The following DNAI7 variants were observed in gnomAD, a reference collection of about 807,000 sequenced individuals.
The protein encoded by DNAI7 is cancer susceptibility 1.
In DNAI7, 78 loss-of-function variants were observed where a neutral mutation model predicts 86.6. The observed-to-expected ratio is 0.90, with a 90% CI of 0.75 to 1.09. The LOEUF (loss-of-function observed/expected upper bound fraction) is 1.09, where lower values mean the gene tolerates loss of function less well. DNAI7 is among the 50% of genes least tolerant of loss of function. The pLI is 0.00. For missense variants in DNAI7, 753 were observed against 810.2 expected (o/e 0.93, Z 0.86); for synonymous variants, 274 against 273.0 (o/e 1.00, Z -0.04).
chr12:25,174,405 G>C (rs1339531021), intron 2 of DNAI7, among the ~76,000 whole-genome samples: 1 of 92 alleles, frequency 0.011, no homozygotes, highest in African/African-American at 0.031. Context: ...TCATATATAT[G>C]GGATATATGG....
chr12:25,141,569 G>A (rs1014033957), intron 9 of DNAI7, among the ~76,000 whole-genome samples: 1 of 152,230 alleles, frequency 6.6e-6, no homozygotes, highest in South Asian at 2.1e-4. Flanking sequence ...AGTGGCTCAT[G>A]CCTGTTATCC....
intron 2 of DNAI7, among the ~76,000 whole-genome samples, chr12:25,164,668 T>TCC (rs1947232314): frequency 6.6e-6 from 1 of 152,064 alleles, no homozygotes; most frequent in Non-Finnish European, 1.5e-5. Flanking sequence ...TACACATCAG[T>TCC]CCCTCCCTAG....
chr12:25,171,846 G>T (rs1358448132), intron 2 of DNAI7, among the ~76,000 whole-genome samples: 1 of 152,026 alleles, frequency 6.6e-6, no homozygotes, highest in Non-Finnish European at 1.5e-5. Flanking sequence ...CACATAAACA[G>T]AATTAAAAAC....
chr12:25,175,317 T>TA (rs1467025838), intron 2 of DNAI7, among the ~76,000 whole-genome samples: 2 of 152,104 alleles, frequency 1.3e-5, no homozygotes, highest in Non-Finnish European at 1.5e-5. Context: ...CCTATCTATA[T>TA]TTTTGTCTGC....
At chr12:25,145,683 A>T (rs897925770) in intron 8 of DNAI7, among the ~76,000 whole-genome samples, 5 of 152,004 alleles carry the variant, frequency 3.3e-5, no homozygotes, top group Admixed American at 6.6e-5. Flanking sequence ...AGTTTTTTTT[A>T]AATGTCACAT....
At chr12:25,129,512 G>A (rs1344385894) in intron 9 of DNAI7, among the ~76,000 whole-genome samples, 2 of 152,176 alleles carry the variant, frequency 1.3e-5, no homozygotes, top group African/African-American at 4.8e-5. Flanking sequence ...GAATGTTAAG[G>A]AGCTCTGATG....
At chr12:25,107,967 C>G (rs114192162), downstream of DNAI7, 3 of 1,614,084 alleles carry the variant, frequency 1.9e-6, no homozygotes, top group Non-Finnish European at 2.5e-6. Flanking sequence ...CTGTGGATGC[C>G]GCTCCCACAC....
chr12:25,155,687 G>T (rs116500670), intron 4 of DNAI7, among the ~76,000 whole-genome samples: 33 of 152,202 alleles, frequency 2.2e-4, no homozygotes, highest in African/African-American at 7.9e-4. Context: ...CTTTTTCATC[G>T]TGTATCTATT....
chr12:25,141,187 G>T lies in DNAI7; in HGVS notation c.1002+3178C>A, dbSNP rs188435237. Among the ~76,000 whole-genome samples the T allele has an allele frequency of 2.5e-3, 377 of 152,196 alleles. 2 individuals carry two copies. Among genetic ancestry groups the T allele is most frequent in the African/African-American group, 8.3e-3 (346 of 41,546 alleles). Reference sequence around the variant, plus strand: ...CATGAAAAAGAGCCCAAAAGCAAATGCAACAACAACAATGATAAATAGATG... The same window carrying T: ...CATGAAAAAGAGCCCAAAAGCAAATTCAACAACAACAATGATAAATAGATG... On this transcript the variant is annotated intron_variant, in intron 9 of 15. Transcript: ENST00000395987.
At chr12:25,108,908 C>G (rs1178709324) in intron 15 of DNAI7, 85 bp from the exon 16 acceptor site, 1 of 800,248 alleles carries the variant, frequency 1.2e-6, no homozygotes, top group Non-Finnish European at 1.8e-6. Context: ...TTGAAGGGCT[C>G]AATTTATCCC....
chr12:25,177,141 G>A (rs553619461), intron 2 of DNAI7, among the ~76,000 whole-genome samples: 123 of 152,162 alleles, frequency 8.1e-4, no homozygotes, highest in Middle Eastern at 3.4e-3. Flanking sequence ...GACCTCAAGT[G>A]ATTCACCTGC....
intron 1 of DNAI7, chr12:25,194,857 G>C: frequency 6.2e-7 from 1 of 1,609,608 alleles, no homozygotes; most frequent in African/African-American, 1.3e-5. Context: ...ACCATCTCCC[G>C]TTTGCAGAAA....
At chr12:25,160,219 G>C (rs1946684702) in intron 3 of DNAI7, among the ~76,000 whole-genome samples, 1 of 151,964 alleles carries the variant, frequency 6.6e-6, no homozygotes, top group Non-Finnish European at 1.5e-5. Context: ...CTTCAAGATA[G>C]GGTTACCAGA....
At chr12:25,176,295 A>T (rs1026125724) in intron 2 of DNAI7, among the ~76,000 whole-genome samples, 2 of 152,128 alleles carry the variant, frequency 1.3e-5, no homozygotes, top group African/African-American at 4.8e-5. Flanking sequence ...ATGAATAAAA[A>T]TTTAAATTAA....
chr12:25,150,736 G>A (rs1020284375), intron 6 of DNAI7, among the ~76,000 whole-genome samples: 6 of 151,806 alleles, frequency 4.0e-5, no homozygotes, highest in Non-Finnish European at 5.9e-5. Flanking sequence ...TTAAACCCTC[G>A]GATCTACCAG....
intron 7 of DNAI7, 29 bp from the exon 8 acceptor site, chr12:25,147,133 G>C (rs1944949599): frequency 9.0e-7 from 1 of 1,105,578 alleles, no homozygotes; most frequent in Non-Finnish European, 1.4e-6. Context: ...ACATTATAAA[G>C]GGCCACAGGC....
intron 2 of DNAI7, among the ~76,000 whole-genome samples, chr12:25,180,382 C>T (rs1022141997): frequency 6.6e-6 from 1 of 152,074 alleles, no homozygotes; most frequent in Non-Finnish European, 1.5e-5. Flanking sequence ...TCTACAGATT[C>T]AATGCAATTC....
chr12:25,174,486 T>TG, intron 2 of DNAI7, among the ~76,000 whole-genome samples: 1 of 70,128 alleles, frequency 1.4e-5, no homozygotes, highest in African/African-American at 5.0e-5. Context: ...GGGATATATA[T>TG]ATCATATATC....
intron 2 of DNAI7, among the ~76,000 whole-genome samples, chr12:25,171,959 T>A (rs1592612285): frequency 6.6e-6 from 1 of 152,292 alleles, no homozygotes; most frequent in Middle Eastern, 3.4e-3. Flanking sequence ...AAAAGGGACA[T>A]ATCTTAATGT....
Sources: gnomAD v4.1 joint callset for allele counts (sites outside exome capture counted in the v4.1 genomes callset) on GRCh38, gnomAD v4.1.1 for gene constraint, MANE v1.5 for transcripts, NCBI Gene and HGNC (gene_info 2026-07-23, HGNC 2026-07-21) for gene names.